CSMD1: variants seen among roughly 807,000 people sequenced by gnomAD.
CSMD1 encodes the protein CUB and Sushi multiple domains 1.
Under a neutral mutation model 417.5 loss-of-function variants are expected in CSMD1, and 213 were observed. That is an observed-to-expected ratio of 0.51 (90% CI 0.46 to 0.57). The LOEUF is 0.57. CSMD1 is among the 20% of genes least tolerant of loss of function. CSMD1 has a pLI of 0.00. For missense variants in CSMD1, 6,923 were observed against 4,529.7 expected (o/e 1.53, Z -15.17); for synonymous variants, 2,862 against 1,736.8 (o/e 1.65, Z -16.11).
Position 4,319,805 on chromosome 8 carries a change from G to C in CSMD1, c.415+100148C>G, listed in dbSNP as rs529892694. ...AGAGAGAGAAGAGAGCTTCACAAGAGATGTGTAGAGGACCCTCGGGGTCTT... is the reference window on the plus strand; with the variant it reads ...AGAGAGAGAAGAGAGCTTCACAAGACATGTGTAGAGGACCCTCGGGGTCTT... On this transcript the variant is annotated intron_variant, in intron 3 of 69. Transcript: ENST00000635120. Among the ~76,000 whole-genome samples the C allele has an allele frequency of 3.9e-4, 60 of 152,262 alleles. 2 individuals carry two copies. In the South Asian group the frequency reaches 9.1e-3, roughly 23 times the overall value.
At chr8:3,703,806 C>A (rs946653209) in intron 7 of CSMD1, among the ~76,000 whole-genome samples, 1 of 152,144 alleles carries the variant, frequency 6.6e-6, no homozygotes, top group Non-Finnish European at 1.5e-5. Context: ...CATGGTGGCT[C>A]ATGACTGTAA....
chr8:3,511,233 G>A (rs1797053811), intron 10 of CSMD1, among the ~76,000 whole-genome samples: 1 of 151,670 alleles, frequency 6.6e-6, no homozygotes, highest in South Asian at 2.1e-4. Flanking sequence ...CCTGTTGGGG[G>A]GTGAGAGGCT....
Position 2,978,674 on chromosome 8 carries a change from C to T in CSMD1, c.8504G>A (p.Gly2835Glu). The T allele has an allele frequency of 6.2e-7, 1 of 1,609,930 alleles. No homozygotes were observed. Among genetic ancestry groups the T allele is most frequent in the Non-Finnish European group, 8.5e-7 (1 of 1,178,062 alleles). The stretch of plus-strand genomic sequence containing the variant: ...TGCCATACAGGTCAAGGCTGAAGAT[C>T]CCAGCAAGTAAAATCCCTTCTTGCA... The part of the protein sequence containing the change: ...YHCKKGFYLL[G>E]SSALTCMANG... The change falls in exon 55 of 70, where the codon GGA becomes GAA. Residue 2835 changes from glycine (G) to glutamate (E), a missense_variant. Coordinates refer to ENST00000635120, the MANE Select transcript of CSMD1 (RefSeq NM_033225.6).
At chr8:4,269,867 T>C (rs549144796) in intron 3 of CSMD1, among the ~76,000 whole-genome samples, 7 of 152,312 alleles carry the variant, frequency 4.6e-5, no homozygotes, top group African/African-American at 1.4e-4. Flanking sequence ...CTTGAAGTTA[T>C]TGCATCATTA....
intron 1 of CSMD1, among the ~76,000 whole-genome samples, chr8:4,848,960 G>C (rs1405355031): frequency 6.6e-6 from 1 of 152,182 alleles, no homozygotes; most frequent in African/African-American, 2.4e-5. Context: ...AGTATTAACT[G>C]TAAAACAGCC....
intron 2 of CSMD1, among the ~76,000 whole-genome samples, chr8:4,444,282 C>G (rs927223285): frequency 7.7e-6 from 1 of 130,434 alleles, no homozygotes; most frequent in South Asian, 2.6e-4. Context: ...GGGAGGTGGA[C>G]GTTGCAGTGA....
intron 10 of CSMD1, among the ~76,000 whole-genome samples, chr8:3,572,443 T>C (rs1349405126): frequency 6.6e-6 from 1 of 152,176 alleles, no homozygotes; most frequent in Non-Finnish European, 1.5e-5. Flanking sequence ...GAGCCCCTGA[T>C]TGCTGTGTTT....
chr8:3,293,602 C>G (rs1236708743), intron 25 of CSMD1, among the ~76,000 whole-genome samples: 3 of 152,154 alleles, frequency 2.0e-5, no homozygotes, highest in East Asian at 3.9e-4. Context: ...GATACCTTGT[C>G]TTCCTGTTGA....
rs144478358 is a variant in CSMD1 at position 3,720,843 on chromosome 8, G to C, written c.932-12352C>G. ...TGAGACTTTTTTTTTCGAGAGTCTCGCTCTGTTGCCCAGGTTGAAGTGCAA... is the reference window on the plus strand; with the variant it reads ...TGAGACTTTTTTTTTCGAGAGTCTCCCTCTGTTGCCCAGGTTGAAGTGCAA... On this transcript the variant is annotated intron_variant, in intron 6 of 69. Coordinates refer to ENST00000635120, the MANE Select transcript of CSMD1 (RefSeq NM_033225.6). Among the ~76,000 whole-genome samples the C allele has an allele frequency of 4.7e-4, 72 of 151,874 alleles. 1 individual carries two copies. The South Asian group carries it at 6.4e-3, about 14-fold the overall frequency.
At chr8:3,001,572 T>C (rs889693138) in intron 52 of CSMD1, among the ~76,000 whole-genome samples, 2 of 152,208 alleles carry the variant, frequency 1.3e-5, no homozygotes, top group African/African-American at 4.8e-5. Flanking sequence ...TCAACATTTC[T>C]TTTTGCTTAA....
chr8:4,855,168 C>G (rs533507851), intron 1 of CSMD1, among the ~76,000 whole-genome samples: 3 of 150,462 alleles, frequency 2.0e-5, no homozygotes, highest in Non-Finnish European at 2.9e-5. Flanking sequence ...ACACCTCACA[C>G]GGCAGGGTAC....
intron 2 of CSMD1, among the ~76,000 whole-genome samples, chr8:4,611,493 T>C (rs1801166378): frequency 6.6e-6 from 1 of 152,184 alleles, no homozygotes; most frequent in Admixed American, 6.5e-5. Context: ...ATTGCCTAGA[T>C]ATAAAACTTG....
intron 8 of CSMD1, among the ~76,000 whole-genome samples, chr8:3,605,387 G>T (rs1295995258): frequency 1.3e-5 from 2 of 152,312 alleles, no homozygotes; most frequent in South Asian, 2.1e-4. Context: ...CAAGAGACAG[G>T]TGCCTCTGCT....
At position 3,857,975 on chromosome 8, in the gene CSMD1, T is replaced by C. The variant is rs376192692; in HGVS notation, c.819-103933A>G. ...TGCATGGTGACTTCTCTGTATAAAA[T>C]TGTTCGGCATGGTGCGGTCTCTGCA... On this transcript the variant is annotated intron_variant, in intron 5 of 69. Coordinates refer to ENST00000635120, the MANE Select transcript of CSMD1 (RefSeq NM_033225.6). Among the ~76,000 whole-genome samples the C allele has an allele frequency of 3.3e-5, 5 of 152,328 alleles. No homozygotes were observed. In the East Asian group the frequency reaches 5.8e-4, roughly 18 times the overall value.
chr8:3,668,295 T>C (rs1798809752), intron 7 of CSMD1, among the ~76,000 whole-genome samples: 1 of 152,032 alleles, frequency 6.6e-6, no homozygotes, highest in African/African-American at 2.4e-5. Context: ...TAAAGGAAGA[T>C]ATGAAGTGAG....
intron 5 of CSMD1, among the ~76,000 whole-genome samples, chr8:3,958,904 T>C (rs1378436816): frequency 6.6e-6 from 1 of 152,164 alleles, no homozygotes; most frequent in Non-Finnish European, 1.5e-5. Context: ...AACGTGACAA[T>C]TCTAATATAC....
intron 4 of CSMD1, among the ~76,000 whole-genome samples, chr8:4,013,326 G>A (rs781293257): frequency 3.3e-5 from 5 of 152,020 alleles, no homozygotes; most frequent in African/African-American, 9.7e-5. Flanking sequence ...CTCACCGTAC[G>A]CTGTTGTCTC....
chr8:4,537,278 T>C (rs1315288202), intron 2 of CSMD1, among the ~76,000 whole-genome samples: 2 of 152,172 alleles, frequency 1.3e-5, no homozygotes, highest in African/African-American at 4.8e-5. Context: ...AAATTATCCA[T>C]CTGGTAAAAT....
At chr8:3,609,060 T>C (rs972118824) in intron 8 of CSMD1, among the ~76,000 whole-genome samples, 1 of 152,218 alleles carries the variant, frequency 6.6e-6, no homozygotes, top group Admixed American at 6.5e-5. Context: ...ATTATAATTA[T>C]CTGTGTTACA....
Sources: gnomAD v4.1 joint callset for allele counts (sites outside exome capture counted in the v4.1 genomes callset) on GRCh38, gnomAD v4.1.1 for gene constraint, MANE v1.5 for transcripts, NCBI Gene and HGNC (gene_info 2026-07-23, HGNC 2026-07-21) for gene names.